The following CDH13 variants were observed in gnomAD, a reference collection of about 807,000 sequenced individuals.
CDH13 encodes the protein cadherin 13, also known as cadherin-13.
A neutral mutation model predicts 63.8 loss-of-function variants in CDH13; 24 were observed. The ratio of observed to expected loss-of-function variants is 0.38; its 90% CI spans 0.27 to 0.53. The LOEUF is 0.53. CDH13 is among the 20% of genes least tolerant of loss of function. The probability of loss-of-function intolerance (pLI) is 0.85; values close to 1 mark genes in which losing one functional copy is unlikely to be tolerated. For synonymous variants in CDH13, 503 were observed against 355.3 expected (o/e 1.42, Z -4.67); for missense variants, 1,049 against 903.1 (o/e 1.16, Z -2.07).
chr16:83,030,092 A>T (rs1266627810), intron 2 of CDH13, among the ~76,000 whole-genome samples: 1 of 152,102 alleles, frequency 6.6e-6, no homozygotes, highest in Non-Finnish European at 1.5e-5. Flanking sequence ...GCTTGTGTCA[A>T]TGCCCTGTGC....
intron 1 of CDH13, among the ~76,000 whole-genome samples, chr16:82,704,251 G>T (rs1373549568): frequency 6.6e-6 from 1 of 152,180 alleles, no homozygotes; most frequent in African/African-American, 2.4e-5. Context: ...TTTTGAGCAC[G>T]TTGATTTGGG....
chr16:83,749,842 G>A (rs532767553), intron 11 of CDH13, among the ~76,000 whole-genome samples: 43 of 152,266 alleles, frequency 2.8e-4, no homozygotes, highest in African/African-American at 9.9e-4. Flanking sequence ...AGCCTGGGGG[G>A]TAGTCATGGA....
rs570199674 is a variant in CDH13 at position 83,576,997 on chromosome 16, A to G, written c.961-25457A>G. On this transcript the variant is annotated intron_variant, in intron 7 of 13. Coordinates refer to ENST00000567109, the MANE Select transcript of CDH13 (RefSeq NM_001257.5). ...CACTTCATTGTATTTTTAACCAACT[A>G]AATAACTAATAAGTCCAGTGACAGG... 2.0e-5 allele frequency among the ~76,000 whole-genome samples: 3 copies of G among 152,296 alleles called. No individual in the cohort carries two copies. In the East Asian group the frequency reaches 5.8e-4, roughly 29 times the overall value.
intron 10 of CDH13, among the ~76,000 whole-genome samples, chr16:83,745,824 G>A (rs1464108258): frequency 6.6e-6 from 1 of 152,090 alleles, no homozygotes. Context: ...ACCACACTTC[G>A]ATTCAACTTA....
At chr16:83,142,179 T>TTTTTG (rs1567871407) in intron 4 of CDH13, among the ~76,000 whole-genome samples, 1 of 148,436 alleles carries the variant, frequency 6.7e-6, no homozygotes, top group African/African-American at 2.5e-5. Context: ...TTTTTTTTTT[T>TTTTTG]GAAATGGAGT....
intron 1 of CDH13, among the ~76,000 whole-genome samples, chr16:82,803,164 A>G (rs2036954811): frequency 6.6e-6 from 1 of 152,204 alleles, no homozygotes; most frequent in Non-Finnish European, 1.5e-5. Context: ...GACCCTGGAT[A>G]GGTCTAGGCT....
At chr16:83,398,201 T>TTGA (rs35093195) in intron 6 of CDH13, 17,221 of 152,132 alleles carry the variant, frequency 0.11, 1,276 homozygotes, top group Middle Eastern at 0.19. Flanking sequence ...CACTGTAATG[T>TTGA]TGATGTTTAA....
chr16:82,991,572 C>T (rs924311123), intron 2 of CDH13, among the ~76,000 whole-genome samples: 13 of 152,124 alleles, frequency 8.5e-5, no homozygotes, highest in Admixed American at 2.6e-4. Flanking sequence ...CCTCATCTCA[C>T]GGCAACCTCC....
chr16:83,395,133 G>T (rs1416462309), intron 6 of CDH13, among the ~76,000 whole-genome samples: 2 of 136,432 alleles, frequency 1.5e-5, no homozygotes, highest in Non-Finnish European at 3.1e-5. Flanking sequence ...GGACGACAGA[G>T]CGAGACTCCA....
intron 4 of CDH13, among the ~76,000 whole-genome samples, chr16:83,173,612 G>A (rs768973098): frequency 6.6e-6 from 1 of 152,082 alleles, no homozygotes; most frequent in Non-Finnish European, 1.5e-5. Flanking sequence ...TAAAGAATTT[G>A]TGTTTGTTTA....
chr16:83,486,694 A>G (rs1183316536), intron 7 of CDH13, 39 bp downstream of exon 7: 3 of 1,592,744 alleles, frequency 1.9e-6, no homozygotes, highest in African/African-American at 2.7e-5. Flanking sequence ...TCACGAGAAT[A>G]GAATGTGGCT....
chr16:82,777,265 A>G (rs140072983), intron 1 of CDH13, among the ~76,000 whole-genome samples: 1,611 of 152,354 alleles, frequency 0.011, 29 homozygotes, highest in African/African-American at 0.037. Flanking sequence ...CACTGTGCCC[A>G]AAAGTTAAGA....
intron 8 of CDH13, among the ~76,000 whole-genome samples, chr16:83,633,456 C>A (rs545174212): frequency 1.3e-5 from 2 of 152,242 alleles, no homozygotes; most frequent in Non-Finnish European, 2.9e-5. Flanking sequence ...CTCCTCACCG[C>A]TTTCTAACAG....
At chr16:82,737,378 C>A (rs927516721) in intron 1 of CDH13, among the ~76,000 whole-genome samples, 1 of 152,174 alleles carries the variant, frequency 6.6e-6, no homozygotes, top group South Asian at 2.1e-4. Flanking sequence ...CTCCTTTGCC[C>A]TTCCATGTTA....
intron 2 of CDH13, among the ~76,000 whole-genome samples, chr16:83,009,259 C>A (rs1205547842): frequency 6.6e-6 from 1 of 152,204 alleles, no homozygotes; most frequent in African/African-American, 2.4e-5. Context: ...AGAGGGGCTA[C>A]TTCTGGAGAC....
intron 10 of CDH13, among the ~76,000 whole-genome samples, chr16:83,719,945 A>C (rs544968621): frequency 6.6e-6 from 1 of 152,282 alleles, no homozygotes; most frequent in East Asian, 1.9e-4. Context: ...GTAGGAATCT[A>C]CATCTCCCTG....
intron 4 of CDH13, among the ~76,000 whole-genome samples, chr16:83,196,477 C>G (rs1054756285): frequency 6.6e-6 from 1 of 151,998 alleles, no homozygotes; most frequent in African/African-American, 2.4e-5. Flanking sequence ...GTGAAAAATC[C>G]TGTTAAGAGA....
intron 6 of CDH13, among the ~76,000 whole-genome samples, chr16:83,413,242 A>G (rs1198659689): frequency 5.3e-5 from 8 of 152,192 alleles, no homozygotes; most frequent in Non-Finnish European, 8.8e-5. Flanking sequence ...TTTGTAATGC[A>G]CATTCTCTTC....
chr16:82,809,310 G>A (rs1319997546), intron 1 of CDH13, among the ~76,000 whole-genome samples: 3 of 12,312 alleles, frequency 2.4e-4, no homozygotes, highest in South Asian at 7.7e-3. Context: ...AGTTATTTAC[G>A]TCCAAAAAAA....
Sources: gnomAD v4.1 joint callset for allele counts (sites outside exome capture counted in the v4.1 genomes callset) on GRCh38, gnomAD v4.1.1 for gene constraint, MANE v1.5 for transcripts, NCBI Gene and HGNC (gene_info 2026-07-23, HGNC 2026-07-21) for gene names.